Variants in ENPP6 observed in about 807,000 individuals in gnomAD.
ENPP6 encodes ectonucleotide pyrophosphatase/phosphodiesterase 6.
In ENPP6, 32 loss-of-function variants were observed where a neutral mutation model predicts 42.0. The ratio of observed to expected loss-of-function variants is 0.76; its 90% confidence interval spans 0.58 to 1.02. ENPP6 has a LOEUF of 1.02. Among genes scored for constraint, ENPP6 ranks in the 50% least tolerant of loss-of-function variants. ENPP6 has a pLI of 0.00. For missense variants in ENPP6, 552 were observed against 566.8 expected (o/e 0.97, Z 0.27); for synonymous variants, 213 against 216.0 (o/e 0.99, Z 0.12).
intron 1 of ENPP6, among the ~76,000 whole-genome samples, chr4:184,166,957 G>A (rs1737359282): frequency 6.6e-6 from 1 of 152,188 alleles, no homozygotes; most frequent in Non-Finnish European, 1.5e-5. Context: ...CCCCTTTTAT[G>A]TCTCTTTCCG....
At position 184,152,182 on chromosome 4, in the gene ENPP6, C is replaced by T. The variant is rs148548151; in HGVS notation, c.421+1372G>A. Among the ~76,000 whole-genome samples, 525 of 152,308 alleles carry T rather than the reference C, an allele frequency of 3.4e-3. 5 individuals carry two copies. Among genetic ancestry groups the T allele is most frequent in the Middle Eastern group, 0.02 (6 of 294 alleles). On this transcript the variant is annotated intron_variant, in intron 2 of 7. Coordinates refer to ENST00000296741, the MANE Select transcript of ENPP6 (RefSeq NM_153343.4). ...GCAGCAGCTTGTACGGTGCGCGCCA[C>T]GCCGCACCACAGCTGGGTGGTGGGC...
At chr4:184,106,188 C>G (rs984603086) in intron 6 of ENPP6, among the ~76,000 whole-genome samples, 11 of 152,148 alleles carry the variant, frequency 7.2e-5, no homozygotes, top group African/African-American at 2.7e-4. Flanking sequence ...GCACATACCA[C>G]CATGCCCGGT....
chr4:184,098,528 C>T (rs999339838), intron 6 of ENPP6, among the ~76,000 whole-genome samples: 14 of 152,306 alleles, frequency 9.2e-5, no homozygotes, highest in Admixed American at 7.8e-4. Flanking sequence ...AGCCAGCCTC[C>T]TCTCCTCCGT....
intron 2 of ENPP6, among the ~76,000 whole-genome samples, chr4:184,141,880 A>G (rs939073797): frequency 3.9e-5 from 6 of 152,176 alleles, no homozygotes; most frequent in African/African-American, 1.4e-4. Context: ...TTTGGCTTGG[A>G]CCAAAAATTG....
At chr4:184,206,928 C>T (rs1290360336) in intron 1 of ENPP6, among the ~76,000 whole-genome samples, 2 of 152,228 alleles carry the variant, frequency 1.3e-5, no homozygotes, top group Non-Finnish European at 2.9e-5. Flanking sequence ...ACTCGCACAA[C>T]CTTCTGGCCA....
chr4:184,134,647 T>C (rs1314662590), intron 2 of ENPP6, among the ~76,000 whole-genome samples: 1 of 149,728 alleles, frequency 6.7e-6, no homozygotes, highest in Non-Finnish European at 1.5e-5. Flanking sequence ...TGTCAAGTTT[T>C]CATCCACTTT....
chr4:184,118,047 G>C, intron 3 of ENPP6, 147 bp from the exon 4 acceptor site: 3 of 1,007,680 alleles, frequency 3.0e-6, no homozygotes, highest in Non-Finnish European at 4.2e-6. Context: ...AAATAAATGA[G>C]GTCAGATCTC....
chr4:184,145,974 T>G (rs536918665), intron 2 of ENPP6, among the ~76,000 whole-genome samples: 1 of 152,216 alleles, frequency 6.6e-6, no homozygotes, highest in East Asian at 1.9e-4. Flanking sequence ...AACAATAATT[T>G]GGTTTAAAAG....
At chr4:184,203,089 CAAA>C (rs11305855) in intron 1 of ENPP6, among the ~76,000 whole-genome samples, 1 of 146,356 alleles carries the variant, frequency 6.8e-6, no homozygotes, top group Non-Finnish European at 1.5e-5. Flanking sequence ...ACTAAAAATA[CAAA>C]AAAAAAAAAA....
intron 2 of ENPP6, among the ~76,000 whole-genome samples, chr4:184,146,429 CAAAA>C (rs751645083): frequency 1.3e-4 from 18 of 136,016 alleles, no homozygotes; most frequent in Admixed American, 8.2e-4. Context: ...GACTCCGTTT[CAAAA>C]AAAAAAAAGA....
At chr4:184,215,042 G>C (rs1195638849) in intron 1 of ENPP6, among the ~76,000 whole-genome samples, 1 of 152,188 alleles carries the variant, frequency 6.6e-6, no homozygotes, top group African/African-American at 2.4e-5. Context: ...TTCTATGTCT[G>C]CATCCAGCAG....
intron 2 of ENPP6, among the ~76,000 whole-genome samples, chr4:184,148,188 G>T (rs534070256): frequency 1.3e-5 from 2 of 152,098 alleles, no homozygotes; most frequent in Non-Finnish European, 2.9e-5. Flanking sequence ...GGTGAGGAGG[G>T]TCTGTATCTG....
intron 6 of ENPP6, among the ~76,000 whole-genome samples, chr4:184,101,232 C>T (rs576023081): frequency 6.7e-5 from 10 of 149,750 alleles, no homozygotes; most frequent in South Asian, 2.1e-4. Flanking sequence ...CATGTGTGTG[C>T]GTGTGTATAT....
intron 1 of ENPP6, among the ~76,000 whole-genome samples, chr4:184,172,335 A>G (rs1737483529): frequency 6.6e-6 from 1 of 152,102 alleles, no homozygotes; most frequent in African/African-American, 2.4e-5. Context: ...TCAGTCTTCC[A>G]CGCAGGAGAG....
At chr4:184,162,007 C>T (rs1489590556) in intron 1 of ENPP6, among the ~76,000 whole-genome samples, 1 of 152,130 alleles carries the variant, frequency 6.6e-6, no homozygotes, top group Non-Finnish European at 1.5e-5. Context: ...CCAAACCCAC[C>T]TGTTCCCCAA....
intron 1 of ENPP6, among the ~76,000 whole-genome samples, chr4:184,159,119 C>T (rs1270550374): frequency 2.6e-5 from 4 of 152,180 alleles, no homozygotes; most frequent in Admixed American, 6.5e-5. Context: ...ATTGCATTAT[C>T]TCCGATTGTA....
chr4:184,178,115 G>T (rs1486398811), intron 1 of ENPP6, among the ~76,000 whole-genome samples: 2 of 152,098 alleles, frequency 1.3e-5, no homozygotes, highest in African/African-American at 4.8e-5. Flanking sequence ...AAGAAGCTAA[G>T]AATCATAATA....
rs191851504 is a variant in ENPP6, at chr4:184,109,609, C to A, written c.993+3063G>T. Among the ~76,000 whole-genome samples the A allele has an allele frequency of 1.5e-4, 23 of 152,268 alleles. 1 individual carries two copies. The highest frequency in any genetic ancestry group is 4.3e-4 in the African/African-American group (18 of 41,556). ...AGAGCTAATCTTATTTTTTCATACC[C>A]TATTTATCTTATTTCTGATGTTCTT... is the stretch of plus-strand genomic sequence containing the variant. On this transcript the variant is annotated intron_variant, in intron 6 of 7. Coordinates refer to ENST00000296741, the MANE Select transcript of ENPP6 (RefSeq NM_153343.4).
In ENPP6 at chr4:184,097,671, G is replaced by A. The variant is rs1464712728; in HGVS notation, c.994-303C>T. 7.2e-5 allele frequency among the ~76,000 whole-genome samples: 11 copies of A among 152,240 alleles called. 1 individual carries two copies. Among genetic ancestry groups the A allele is most frequent in the Admixed American group, 7.2e-4 (11 of 15,288 alleles). On this transcript the variant is annotated intron_variant, in intron 6 of 7. Transcript: ENST00000296741. ...AGTTAGTGGCAGAAGGGATGTTAAAGTGTATCTGCGGTGTCATAAAAATGT... is the reference window on the plus strand; with the variant it reads ...AGTTAGTGGCAGAAGGGATGTTAAAATGTATCTGCGGTGTCATAAAAATGT...
Sources: gnomAD v4.1 joint callset for allele counts (sites outside exome capture counted in the v4.1 genomes callset) on GRCh38, gnomAD v4.1.1 for gene constraint, MANE v1.5 for transcripts, NCBI Gene and HGNC (gene_info 2026-07-23, HGNC 2026-07-21) for gene names.